HS6ST3: variants seen among roughly 807,000 people sequenced by gnomAD.
HS6ST3 encodes the protein heparan sulfate 6-O-sulfotransferase 3.
Under a neutral mutation model 36.7 loss-of-function variants are expected in HS6ST3, and 12 were observed. The ratio of observed to expected loss-of-function variants is 0.33; its 90% CI spans 0.21 to 0.53. The LOEUF is 0.53. Among genes scored for constraint, HS6ST3 ranks in the 20% least tolerant of loss-of-function variants. The probability of loss-of-function intolerance (pLI) is 0.95; values close to 1 mark genes in which losing one functional copy is unlikely to be tolerated. For missense variants in HS6ST3, 584 were observed against 640.9 expected, an observed-to-expected ratio of 0.91 and a Z score of 0.96; for synonymous variants, 240 against 257.5, an observed-to-expected ratio of 0.93 and a Z score of 0.65.
chr13:96,141,044 A>G (rs2054029632), intron 1 of HS6ST3, among the ~76,000 whole-genome samples: 1 of 152,216 alleles, frequency 6.6e-6, no homozygotes, highest in Admixed American at 6.5e-5. Context: ...GTTTTTAATG[A>G]AGACAAAAGT....
At chr13:96,652,900 T>C (rs2056612374) in intron 1 of HS6ST3, among the ~76,000 whole-genome samples, 1 of 152,106 alleles carries the variant, frequency 6.6e-6, no homozygotes, top group African/African-American at 2.4e-5. Flanking sequence ...CAGGGAAAAG[T>C]GGAGAAAATG....
intron 1 of HS6ST3, among the ~76,000 whole-genome samples, chr13:96,245,158 C>T (rs933273024): frequency 1.2e-4 from 18 of 152,294 alleles, no homozygotes; most frequent in African/African-American, 4.3e-4. Context: ...ACATATGACA[C>T]TTGCAAACAA....
intron 1 of HS6ST3, among the ~76,000 whole-genome samples, chr13:96,580,657 A>T (rs1415081868): frequency 6.6e-6 from 1 of 152,154 alleles, no homozygotes; most frequent in East Asian, 1.9e-4. Context: ...ACCTCTCTTT[A>T]AATCATGTTC....
chr13:96,451,946 G>A (rs966720721), intron 1 of HS6ST3, among the ~76,000 whole-genome samples: 4 of 152,030 alleles, frequency 2.6e-5, no homozygotes, highest in Non-Finnish European at 5.9e-5. Flanking sequence ...TCATTGACTT[G>A]TTTTTGTTTA....
chr13:96,266,368 T>C (rs1430219630), intron 1 of HS6ST3, among the ~76,000 whole-genome samples: 1 of 152,088 alleles, frequency 6.6e-6, no homozygotes, highest in Non-Finnish European at 1.5e-5. Context: ...GCAAAGGGAA[T>C]GTGAGGTTGG....
intron 1 of HS6ST3, among the ~76,000 whole-genome samples, chr13:96,416,444 T>C (rs1228734038): frequency 2.0e-5 from 3 of 152,182 alleles, no homozygotes; most frequent in African/African-American, 7.2e-5. Flanking sequence ...GGGTTAGGAT[T>C]AAAAACAACA....
chr13:96,333,985 A>C (rs1457362445), intron 1 of HS6ST3, among the ~76,000 whole-genome samples: 3 of 152,152 alleles, frequency 2.0e-5, no homozygotes, highest in Non-Finnish European at 4.4e-5. Context: ...GTTCTGGGAC[A>C]TAGGGTACCT....
chr13:96,658,268 CTTTTTTTTTTTTTT>C lies in HS6ST3; in HGVS notation c.708-174205_708-174192del, dbSNP rs71213623. ...TTCTTCTTCTTCTTCTCTTCTTCTTCTTTTTTTTTTTTTTTTTTTTTTTTTTTTTTGAGATGGCG... is the reference window on the plus strand; with the variant it reads ...TTCTTCTTCTTCTTCTCTTCTTCTTCTTTTTTTTTTTTTTTTGAGATGGCG... On this transcript the variant is annotated intron_variant, in intron 1 of 1. Transcript: ENST00000376705. 6.6e-5 allele frequency among the ~76,000 whole-genome samples: 5 copies of C among 76,176 alleles called. No individual in the cohort carries two copies. In the Middle Eastern group the frequency reaches 0.021, roughly 317 times the overall value. 50.0% of individuals were successfully genotyped at this position (76,176 alleles called of 152,430 possible).
At chr13:96,674,727 C>T (rs1051883393) in intron 1 of HS6ST3, among the ~76,000 whole-genome samples, 5 of 152,138 alleles carry the variant, frequency 3.3e-5, no homozygotes, top group African/African-American at 1.2e-4. Flanking sequence ...AGTTCTGAGC[C>T]TTTTTGTGAT....
chr13:96,289,600 A>C (rs183515482), intron 1 of HS6ST3, among the ~76,000 whole-genome samples: 264 of 152,346 alleles, frequency 1.7e-3, no homozygotes, highest in Non-Finnish European at 2.2e-3. Context: ...AAATTAAAAA[A>C]TAAAATTCAA....
chr13:96,465,825 A>T (rs2055810796), intron 1 of HS6ST3, among the ~76,000 whole-genome samples: 2 of 152,200 alleles, frequency 1.3e-5, no homozygotes, highest in South Asian at 2.1e-4. Context: ...ATAAACCAAA[A>T]CATTAACAAC....
chr13:96,368,161 G>A (rs1480484624), intron 1 of HS6ST3, among the ~76,000 whole-genome samples: 1 of 152,076 alleles, frequency 6.6e-6, no homozygotes, highest in Non-Finnish European at 1.5e-5. Flanking sequence ...CTCTCATTGT[G>A]TGCATAATAG....
At chr13:96,366,448 C>CAAATAAATAAATAAATAAATAAAT (rs3086049) in intron 1 of HS6ST3, among the ~76,000 whole-genome samples, 1,547 of 148,606 alleles carry the variant, frequency 0.01, 17 homozygotes, top group East Asian at 0.049. Flanking sequence ...GACCTTGTCT[C>CAAATAAATAAATAAATAAATAAAT]AAATAAATAA....
At chr13:96,720,866 A>G (rs1875830626) in intron 1 of HS6ST3, among the ~76,000 whole-genome samples, 1 of 152,162 alleles carries the variant, frequency 6.6e-6, no homozygotes, top group South Asian at 2.1e-4. Flanking sequence ...TCTTTCCTAT[A>G]GCATGTTTAA....
chr13:96,493,957 A>T (rs770889164), intron 1 of HS6ST3, among the ~76,000 whole-genome samples: 4 of 152,206 alleles, frequency 2.6e-5, no homozygotes, highest in Non-Finnish European at 5.9e-5. Flanking sequence ...TTTAAAAGCC[A>T]TTAGTTCAGA....
intron 1 of HS6ST3, among the ~76,000 whole-genome samples, chr13:96,784,897 G>A (rs556044497): frequency 2.6e-5 from 4 of 152,222 alleles, no homozygotes; most frequent in Non-Finnish European, 5.9e-5. Context: ...GCTGGGCACA[G>A]TGGCTCACTC....
intron 1 of HS6ST3, among the ~76,000 whole-genome samples, chr13:96,456,417 C>T (rs189380765): frequency 6.6e-6 from 1 of 152,122 alleles, no homozygotes; most frequent in Non-Finnish European, 1.5e-5. Context: ...TCCAGTAGCC[C>T]TCTACCCCAA....
At chr13:96,702,356 A>G (rs1039579108) in intron 1 of HS6ST3, among the ~76,000 whole-genome samples, 5 of 152,216 alleles carry the variant, frequency 3.3e-5, no homozygotes, top group Admixed American at 2.6e-4. Flanking sequence ...CACGCAAACC[A>G]TTCTGGCAGT....
chr13:96,832,005 C>T (rs917459478), intron 1 of HS6ST3, among the ~76,000 whole-genome samples: 5 of 133,052 alleles, frequency 3.8e-5, no homozygotes, highest in African/African-American at 1.5e-4. Context: ...AATACATGTT[C>T]AACTTTGTTC....
Sources: allele counts gnomAD v4.1 joint callset (sites outside exome capture counted in the v4.1 genomes callset), GRCh38; gene constraint gnomAD v4.1.1; transcripts MANE v1.5; gene names NCBI Gene and HGNC (gene_info 2026-07-23, HGNC 2026-07-21).